Variants in UNG observed in about 807,000 individuals in gnomAD.
UNG encodes uracil DNA glycosylase, also known as uracil-DNA glycosylase.
Under a neutral mutation model 36.5 loss-of-function variants are expected in UNG, and 34 were observed. The ratio of observed to expected loss-of-function variants is 0.93; its 90% CI spans 0.71 to 1.24. The LOEUF (loss-of-function observed/expected upper bound fraction) is 1.24. UNG is among the 50% of genes most tolerant of loss of function. UNG has a pLI of 0.00. For synonymous variants in UNG, 172 were observed against 157.8 expected (o/e 1.09, Z -0.67); for missense variants, 391 against 397.6 (o/e 0.98, Z 0.14).
intron 4 of UNG, 73 bp downstream of exon 4, chr12:109,102,072 G>A: frequency 7.5e-7 from 1 of 1,337,888 alleles, no homozygotes; most frequent in Non-Finnish European, 1.1e-6. Context: ...TATTACAAGT[G>A]GGACTATCTG....
At chr12:109,097,958 G>A in intron 1 of UNG, 147 bp downstream of exon 1, 1 of 1,288,482 alleles carries the variant, frequency 7.8e-7, no homozygotes, top group East Asian at 2.6e-5. Flanking sequence ...CAAAATAGCC[G>A]CCGCTGTCCC....
chr12:109,108,475 A>G (rs529610114), intron 6 of UNG, among the ~76,000 whole-genome samples: 1 of 152,220 alleles, frequency 6.6e-6, no homozygotes, highest in East Asian at 1.9e-4. Context: ...TCTAAAAAAC[A>G]CAAAAAATTA....
chr12:109,103,562 T>C lies in UNG; in HGVS notation c.752T>C (p.Phe251Ser), dbSNP rs104894380. 4 of 1,614,114 alleles carry C rather than the reference T, an allele frequency of 2.5e-6. No individual in the cohort carries two copies. The East Asian group carries it at 6.7e-5, about 27-fold the overall frequency. The change falls in exon 6 of 7, where the codon TTC becomes TCC. Residue 251 changes from phenylalanine to serine, a missense_variant. Phe to Ser is a radical substitution (Grantham distance 155). Transcript: ENST00000242576. ...WLNQNSNGLV[F>S]LLWGSYAQKK... is the part of the protein sequence containing the mutation. The stretch of plus-strand genomic sequence containing the variant: ...AATCAGAACTCGAATGGCCTTGTTT[T>C]CTTGCTCTGGGGCTCTTATGCTCAG...
chr12:109,104,649 A>ACTAGAGATGGAGG (rs574183988), intron 6 of UNG, among the ~76,000 whole-genome samples: 267 of 152,152 alleles, frequency 1.8e-3, no homozygotes, highest in African/African-American at 6.2e-3. Context: ...ACCGTGATGG[A>ACTAGAGATGGAGG]CTAGAGATGG....
chr12:109,099,064 A>G (rs2042157118), intron 2 of UNG, 125 bp from the exon 3 acceptor site: 5 of 992,300 alleles, frequency 5.0e-6, no homozygotes, highest in Non-Finnish European at 4.6e-6. Flanking sequence ...TTTTTAAAAG[A>G]ATTTGGACAT....
intron 3 of UNG, 148 bp downstream of exon 3, chr12:109,099,432 T>A: frequency 1.4e-6 from 1 of 718,872 alleles, no homozygotes; most frequent in Non-Finnish European, 2.4e-6. Flanking sequence ...TATTTCAGCC[T>A]GTATTTACTC....
rs1021772278 is a variant in UNG at position 109,110,603 on chromosome 12, T to G, written c.*634T>G. 6.5e-6 allele frequency: 1 copy of G among 154,156 alleles called. No individual in the cohort carries two copies. The highest frequency in any genetic ancestry group is 1.4e-5 in the Non-Finnish European group (1 of 69,308). The allele number at this position is 154,156 out of a possible 1,614,324, so 9.5% of individuals were successfully genotyped here. On this transcript the variant is annotated 3_prime_UTR_variant, in exon 7 of 7. Transcript: ENST00000242576. ...ACCGAGAGAAGTAAGCTGGGTCTTG[T>G]TATTCCTTGGGTGTTGGTGGAATAA...
At chr12:109,104,580 C>T (rs2042202773) in intron 6 of UNG, among the ~76,000 whole-genome samples, 1 of 152,308 alleles carries the variant, frequency 6.6e-6, no homozygotes, top group Admixed American at 6.5e-5. Flanking sequence ...CAGTCTACTG[C>T]TTCTCATTCG....
chr12:109,102,040 C>T (rs775281620), intron 4 of UNG, 41 bp downstream of exon 4: 6 of 1,554,492 alleles, frequency 3.9e-6, no homozygotes, highest in Non-Finnish European at 5.3e-6. Flanking sequence ...AGACATGATT[C>T]CTTTCAGATG....
chr12:109,103,208 G>A (rs3219236), intron 5 of UNG, among the ~76,000 whole-genome samples: 3,757 of 152,084 alleles, frequency 0.025, 55 homozygotes, highest in African/African-American at 0.039. Context: ...CGCCCGACTC[G>A]GCTTCCCAAA....
At chr12:109,101,776 C>G (rs983777319) in intron 3 of UNG, 126 bp from the exon 4 acceptor site, 6 of 795,436 alleles carry the variant, frequency 7.5e-6, no homozygotes, top group Non-Finnish European at 1.3e-5. Flanking sequence ...CTTTGACCAG[C>G]AACTCTGCTA....
In UNG at chr12:109,102,947, ATTTTTTTTTTT is replaced by A. The variant is rs386377711; in HGVS notation, c.622+32_622+42del. 2.4e-5 allele frequency: 23 copies of A among 970,878 alleles called. No homozygotes were observed. The highest frequency in any genetic ancestry group is 3.2e-4 in the Middle Eastern group (1 of 3,102). The allele number at this position is 970,878 out of a possible 1,614,324, so 60.1% of individuals were successfully genotyped here. A position where few individuals can be genotyped will look rare whatever the true frequency, so the allele number is the denominator to read the frequency against. On this transcript the variant is annotated intron_variant, in intron 5 of 6. Transcript: ENST00000242576. ...AGCAAGGTAAGCCAGCGACTGCTAG[ATTTTTTTTTTT>A]TTTTTTTTTTTGAGACCGAGTCTCA...
intron 4 of UNG, among the ~76,000 whole-genome samples, chr12:109,102,469 C>G (rs910716671): frequency 6.8e-6 from 1 of 146,184 alleles, no homozygotes; most frequent in African/African-American, 2.6e-5. Context: ...CACAGCAAGA[C>G]TGGAAAAAAA....
Position 109,098,829 on chromosome 12 carries a change from T to C in UNG, c.339+191T>C, listed in dbSNP as rs140676734. 2.4e-3 allele frequency among the ~76,000 whole-genome samples: 373 copies of C among 152,298 alleles called. 2 individuals are homozygous for C. Among genetic ancestry groups the C allele is most frequent in the Non-Finnish European group, 3.7e-3 (249 of 68,028 alleles). On this transcript the variant is annotated intron_variant, in intron 2 of 6. Transcript: ENST00000242576. ...TGCAGCTTTATATTGGTTAAAGTTGTTAACGACCCGCGAGATGATATCATG... is the reference window on the plus strand; with the variant it reads ...TGCAGCTTTATATTGGTTAAAGTTGCTAACGACCCGCGAGATGATATCATG...
intron 6 of UNG, among the ~76,000 whole-genome samples, chr12:109,104,435 A>G (rs1447602914): frequency 2.6e-5 from 4 of 151,968 alleles, no homozygotes; most frequent in Non-Finnish European, 4.4e-5. Context: ...TCTTCCCCCT[A>G]TCTGCTACCT....
intron 6 of UNG, among the ~76,000 whole-genome samples, chr12:109,105,853 T>C (rs1398700694): frequency 6.6e-6 from 1 of 152,260 alleles, no homozygotes; most frequent in African/African-American, 2.4e-5. Flanking sequence ...AGGGTTCTGA[T>C]GCTTTCTCCC....
intron 1 of UNG, 149 bp downstream of exon 1, chr12:109,097,960 C>T (rs904499476): frequency 7.0e-6 from 9 of 1,285,512 alleles, no homozygotes; most frequent in Non-Finnish European, 9.3e-6. Flanking sequence ...AAATAGCCGC[C>T]GCTGTCCCCC....
At chr12:109,097,923 G>T in intron 1 of UNG, 112 bp downstream of exon 1, 1 of 1,366,906 alleles carries the variant, frequency 7.3e-7, no homozygotes, top group Non-Finnish European at 9.6e-7. Context: ...CCCGGGCTCC[G>T]CTTTCCAAAT....
At chr12:109,102,117 C>A in intron 4 of UNG, 118 bp downstream of exon 4, 1 of 900,368 alleles carries the variant, frequency 1.1e-6, no homozygotes, top group Non-Finnish European at 1.8e-6. Flanking sequence ...GAGGATTTCT[C>A]GGCCTCAGCA....
Sources: allele counts gnomAD v4.1 joint callset (sites outside exome capture counted in the v4.1 genomes callset), GRCh38; gene constraint gnomAD v4.1.1; transcripts MANE v1.5; gene names NCBI Gene and HGNC (gene_info 2026-07-23, HGNC 2026-07-21).